Variants in B3GAT3 observed in about 807,000 individuals in gnomAD.
The protein encoded by B3GAT3 is galactosylgalactosylxylosylprotein 3-beta-glucuronosyltransferase 3.
Under a neutral mutation model 33.1 loss-of-function variants are expected in B3GAT3, and 19 were observed. That is an observed-to-expected ratio of 0.57 (90% confidence interval 0.40 to 0.84). The LOEUF (loss-of-function observed/expected upper bound fraction) is 0.84. B3GAT3 is among the 40% of genes least tolerant of loss of function. The probability of loss-of-function intolerance (pLI) is 0.00; values close to 1 mark genes in which losing one functional copy is unlikely to be tolerated. For synonymous variants in B3GAT3, 167 were observed against 193.5 expected, an observed-to-expected ratio of 0.86 and a Z score of 1.14; for missense variants, 344 against 441.5, an observed-to-expected ratio of 0.78 and a Z score of 1.98.
In B3GAT3 at chr11:62,621,569, G is replaced by A. The variant is rs532941350; in HGVS notation, c.82+297C>T. On this transcript the variant is annotated intron_variant, in intron 1 of 4. Transcript: ENST00000265471. ...GCGTGGGGTTTTCGAGAAACTGTCA[G>A]CAAGCCAGTCTGGCTGCAGCAGAGC... 2.0e-3 allele frequency among the ~76,000 whole-genome samples: 312 copies of A among 152,308 alleles called. 2 individuals are homozygous for A. The highest frequency in any genetic ancestry group is 2.6e-3 in the Non-Finnish European group (179 of 68,024).
intron 1 of B3GAT3, chr11:62,621,162 C>T (rs759220109): frequency 4.4e-6 from 2 of 457,144 alleles, no homozygotes; most frequent in Admixed American, 2.3e-5. Flanking sequence ...TCATTGATTC[C>T]ATCGTAGGAT....
In B3GAT3 at chr11:62,617,936, G is replaced by A. The variant is rs543180259; in HGVS notation, c.258-589C>T. ...CACGCCTATAATCCCAGCACTTTAG[G>A]AGGCCGAGGTGGGCGGATCACCTGA... On this transcript the variant is annotated intron_variant, in intron 2 of 4. Transcript: ENST00000265471. Among the ~76,000 whole-genome samples the A allele has an allele frequency of 3.3e-5, 5 of 151,836 alleles. No individual in the cohort carries two copies. The East Asian group carries it at 9.7e-4, about 29-fold the overall frequency.
intron 2 of B3GAT3, 119 bp downstream of exon 2, chr11:62,620,378 T>C (rs113751546): frequency 1.0e-6 from 1 of 952,622 alleles, no homozygotes; most frequent in South Asian, 1.4e-5. Flanking sequence ...TCATTTATCC[T>C]GTCTTTGGCA....
chr11:62,617,482 T>C (rs557369256), intron 2 of B3GAT3, 135 bp from the exon 3 acceptor site: 27 of 1,224,732 alleles, frequency 2.2e-5, no homozygotes, highest in East Asian at 1.2e-4. Flanking sequence ...ACTCCCTCTT[T>C]CTTGCCTGTC....
At chr11:62,616,235 CTCTG>C in intron 4 of B3GAT3, 2 of 567,762 alleles carry the variant, frequency 3.5e-6, no homozygotes, top group Non-Finnish European at 6.2e-6. Context: ...CACAGCGAGA[CTCTG>C]TCTGAAAAAA....
chr11:62,617,569 G>A, intron 2 of B3GAT3: 1 of 628,286 alleles, frequency 1.6e-6, no homozygotes, highest in Non-Finnish European at 2.8e-6. Flanking sequence ...AGCTCAGGCT[G>A]TGGGAGACTA....
intron 1 of B3GAT3, 144 bp from the exon 2 acceptor site, chr11:62,620,815 A>C: frequency 1.3e-6 from 1 of 741,474 alleles, no homozygotes; most frequent in Non-Finnish European, 2.2e-6. Flanking sequence ...CCTTTTCTAT[A>C]CCTCTCGTGT....
In B3GAT3 at chr11:62,621,854, CG is replaced by C. The variant is rs772609955; in HGVS notation, c.82+11del. On this transcript the variant is annotated intron_variant, in intron 1 of 4. Transcript: ENST00000265471. ...GGGCCAGCCCGCCGCACCCCCGCCC[CG>C]CCCCGCTCACCGAGCTGTACCAGCG... 1.9e-6 allele frequency: 3 copies of C among 1,609,086 alleles called. No homozygotes were observed. The highest frequency in any genetic ancestry group is 1.3e-5 in the African/African-American group (1 of 74,582).
intron 3 of B3GAT3, 39 bp from the exon 4 acceptor site, chr11:62,616,835 C>T (rs375459887): frequency 1.4e-5 from 23 of 1,613,282 alleles, no homozygotes; most frequent in African/African-American, 9.3e-5. Context: ...AGGGGTGGTC[C>T]GGGGAAGGGA....
intron 2 of B3GAT3, among the ~76,000 whole-genome samples, chr11:62,618,937 C>G (rs902971501): frequency 6.7e-6 from 1 of 150,370 alleles, no homozygotes; most frequent in Admixed American, 6.7e-5. Context: ...GAGCCGAGAT[C>G]GTGCCATTGC....
rs1458112150 is a variant in B3GAT3, at chr11:62,615,811, G to A, written c.910-12C>T. ...TGCCACACCAGTACCTGTGCCAGGA[G>A]GGATGCAGTGAGAGCCAGGCCCAGC... On this transcript the variant is annotated splice_polypyrimidine_tract_variant and intron_variant, in intron 4 of 4. Transcript: ENST00000265471. 2 of 1,613,096 alleles carry A rather than the reference G, an allele frequency of 1.2e-6. No individual in the cohort carries two copies. Among genetic ancestry groups the A allele is most frequent in the South Asian group, 2.2e-5 (2 of 90,958 alleles).
chr11:62,617,548 CT>C (rs1293214630), intron 2 of B3GAT3: 2 of 700,380 alleles, frequency 2.9e-6, no homozygotes, highest in Non-Finnish European at 4.9e-6. Context: ...CATCACCCAC[CT>C]CAACTCCAGA....
intron 2 of B3GAT3, among the ~76,000 whole-genome samples, chr11:62,618,883 T>C (rs1943085594): frequency 2.6e-5 from 4 of 151,516 alleles, no homozygotes; most frequent in African/African-American, 9.7e-5. Context: ...CTCGGGGGGC[T>C]GAGGCAGGAG....
chr11:62,616,618 T>C lies in B3GAT3; in HGVS notation c.797A>G (p.Lys266Arg). 2 of 1,614,182 alleles carry C rather than the reference T, an allele frequency of 1.2e-6. No homozygotes were observed. The highest frequency in any genetic ancestry group is 1.7e-6 in the Non-Finnish European group (2 of 1,180,022). The change falls in exon 4 of 5, where the codon AAG becomes AGG. Residue 266 changes from lysine to arginine, a missense_variant. Transcript: ENST00000265471. ...FAVALPLLLD[K>R]PNAQFDSTAP... ...GGTGGAATCAAATTGGGCATTGGGC[T>C]TATCTAACAGCAAGGGCAGGGCCAC...
chr11:62,616,129 A>T, intron 4 of B3GAT3: 1 of 575,098 alleles, frequency 1.7e-6, no homozygotes, highest in Non-Finnish European at 2.8e-6. Context: ...CTGTAGTCCC[A>T]GCTACTTGGG....
In B3GAT3 at chr11:62,615,610, G is replaced by A. The variant is rs1407521625; in HGVS notation, c.*91C>T. On this transcript the variant is annotated 3_prime_UTR_variant, in exon 5 of 5. Transcript: ENST00000265471. ...GGGCCACTTCTGGCTCCAAGGGTCA[G>A]GACTTGGAAAACCACATCCTGGGCA... 2.6e-6 allele frequency: 4 copies of A among 1,547,150 alleles called. No individual in the cohort carries two copies. In the African/African-American group the frequency reaches 4.1e-5, roughly 16 times the overall value.
chr11:62,620,927 G>A (rs1249579398), intron 1 of B3GAT3: 4 of 568,716 alleles, frequency 7.0e-6, no homozygotes. Context: ...TTTTCTACCT[G>A]CTGGTCCTAA....
chr11:62,619,436 A>C (rs1943099674), intron 2 of B3GAT3, among the ~76,000 whole-genome samples: 1 of 152,174 alleles, frequency 6.6e-6, no homozygotes, highest in Non-Finnish European at 1.5e-5. Flanking sequence ...TTTAAAACAA[A>C]AGCAAATGTA....
intron 2 of B3GAT3, among the ~76,000 whole-genome samples, chr11:62,618,943 A>G (rs1019585795): frequency 6.6e-6 from 1 of 151,384 alleles, no homozygotes; most frequent in Non-Finnish European, 1.5e-5. Flanking sequence ...AGATCGTGCC[A>G]TTGCACTCCA....
Sources: allele counts gnomAD v4.1 joint callset (sites outside exome capture counted in the v4.1 genomes callset), GRCh38; gene constraint gnomAD v4.1.1; transcripts MANE v1.5; gene names NCBI Gene and HGNC (gene_info 2026-07-23, HGNC 2026-07-21).